ZNF124: variants seen among roughly 807,000 people sequenced by gnomAD.
The protein encoded by ZNF124 is zinc finger protein 124, also known as zinc finger protein HZF-16.
In ZNF124, 25 loss-of-function variants were observed where a neutral mutation model predicts 26.6. The observed-to-expected ratio is 0.94, with a 90% confidence interval of 0.68 to 1.31. The LOEUF (loss-of-function observed/expected upper bound fraction) is 1.31. Ranked by LOEUF, ZNF124 falls within the 40% of genes most tolerant of loss-of-function variation. The pLI, the probability that ZNF124 is intolerant of heterozygous loss-of-function variation, is 0.00. For missense variants in ZNF124, 444 were observed against 422.2 expected (o/e 1.05, Z -0.45); for synonymous variants, 129 against 133.3 (o/e 0.97, Z 0.22).
chr1:247,153,579 C>T (rs977822129), downstream of ZNF124, among the ~76,000 whole-genome samples: 1 of 152,130 alleles, frequency 6.6e-6, no homozygotes, highest in African/African-American at 2.4e-5. Context: ...TATAACATTT[C>T]GGATTTCTAC....
chr1:247,136,945 CA>C lies in ZNF124; in HGVS notation c.219-13075del, dbSNP rs112254966. 8.1e-3 allele frequency among the ~76,000 whole-genome samples: 1,005 copies of C among 124,372 alleles called. 14 individuals carry two copies. Among genetic ancestry groups the C allele is most frequent in the African/African-American group, 0.021 (709 of 33,662 alleles). 81.6% of individuals were successfully genotyped at this position (124,372 alleles called of 152,430 possible). On this transcript the variant is annotated intron_variant, in intron 3 of 3. Transcript: ENST00000472531. ...CTGGGCAACAGAGTCAGACCCATCT[CA>C]AAAAAAAAAAAAAATTATATGGAGT...
intron 3 of ZNF124, among the ~76,000 whole-genome samples, chr1:247,124,322 G>A (rs542205742): frequency 6.6e-6 from 1 of 151,832 alleles, no homozygotes; most frequent in South Asian, 2.1e-4. Context: ...TCCTGCCTAA[G>A]TCTCCTGCGT....
Position 247,157,245 on chromosome 1 carries a change from A to G in ZNF124, c.377T>C (p.Ile126Thr), listed in dbSNP as rs1197985632. ...HTGNGHYGCT[I>T]CEKVFNIPSS... ...GGGAATATTAAAAACTTTCTCACAT[A>G]TTGTACAACCATAATGTCCATTTCC... Residue 126 changes from isoleucine (I) to threonine (T), a missense_variant, in exon 4 of 4, where the codon ATA becomes ACA. By Grantham distance (89) the Ile-to-Thr change is moderately conservative (BLOSUM62 -1). Coordinates refer to ENST00000543802, the MANE Select transcript of ZNF124 (RefSeq NM_001297568.2). 6.2e-7 allele frequency: 1 copy of G among 1,613,976 alleles called. No homozygotes were observed. The highest frequency in any genetic ancestry group is 8.5e-7 in the Non-Finnish European group (1 of 1,179,902).
chr1:247,161,520 A>G (rs1206948579), intron 1 of ZNF124, among the ~76,000 whole-genome samples: 1 of 152,162 alleles, frequency 6.6e-6, no homozygotes, highest in Non-Finnish European at 1.5e-5. Context: ...AGCAAACAAT[A>G]GAGACTGACA....
rs1673739115 is a variant in ZNF124 at position 247,165,681 on chromosome 1, CAGAATCTGTA to C, written c.31-5878_31-5869del. On this transcript the variant is annotated intron_variant, in intron 1 of 3. Coordinates refer to ENST00000543802, the MANE Select transcript of ZNF124 (RefSeq NM_001297568.2). ...ATGCATCTAACAAGGGTCTAATATC[CAGAATCTGTA>C]AGAAACTTAAATAAATTAACAAGCA... 2.6e-5 allele frequency among the ~76,000 whole-genome samples: 4 copies of C among 152,170 alleles called. No homozygotes were observed. In the South Asian group the frequency reaches 8.3e-4, roughly 32 times the overall value.
intron 3 of ZNF124, among the ~76,000 whole-genome samples, chr1:247,146,999 T>C (rs550772475): frequency 1.0e-3 from 154 of 152,180 alleles, no homozygotes; most frequent in African/African-American, 3.6e-3. Context: ...TCCTCATGGG[T>C]CATATGTGCA....
At chr1:247,133,653 C>A (rs923074516) in intron 3 of ZNF124, among the ~76,000 whole-genome samples, 2 of 127,180 alleles carry the variant, frequency 1.6e-5, no homozygotes, top group South Asian at 2.6e-4. Flanking sequence ...ATTCAATATT[C>A]TTTTTTTTTT....
chr1:247,140,873 T>A (rs1672609075), intron 3 of ZNF124, among the ~76,000 whole-genome samples: 1 of 152,186 alleles, frequency 6.6e-6, no homozygotes, highest in Non-Finnish European at 1.5e-5. Flanking sequence ...CCTCTCAATG[T>A]TCTGAAAGTG....
intron 3 of ZNF124, among the ~76,000 whole-genome samples, chr1:247,131,674 A>C (rs763200131): frequency 6.6e-6 from 1 of 152,196 alleles, no homozygotes; most frequent in Non-Finnish European, 1.5e-5. Flanking sequence ...GGCAGTTTGC[A>C]GCCAGAGTGC....
intron 3 of ZNF124, among the ~76,000 whole-genome samples, chr1:247,146,932 GGAT>G (rs1672796641): frequency 6.6e-6 from 1 of 152,086 alleles, no homozygotes; most frequent in South Asian, 2.1e-4. Context: ...GGTGACTAGC[GGAT>G]GATAATGGGA....
At chr1:247,161,734 A>G (rs1338384766) in intron 1 of ZNF124, among the ~76,000 whole-genome samples, 1 of 151,794 alleles carries the variant, frequency 6.6e-6, no homozygotes, top group African/African-American at 2.4e-5. Flanking sequence ...GTAATAAAAC[A>G]GCCAAATAAT....
chr1:247,150,294 A>G (rs890078196), downstream of ZNF124, among the ~76,000 whole-genome samples: 8 of 152,352 alleles, frequency 5.3e-5, no homozygotes, highest in Admixed American at 5.2e-4. Context: ...CATTGAGCAA[A>G]AAAGGCCCAC....
intron 3 of ZNF124, among the ~76,000 whole-genome samples, chr1:247,142,346 A>G (rs1474180042): frequency 6.6e-6 from 1 of 152,194 alleles, no homozygotes; most frequent in Admixed American, 6.5e-5. Context: ...TGGTAAACCC[A>G]GTTTTCTTTA....
intron 1 of ZNF124, among the ~76,000 whole-genome samples, chr1:247,160,553 A>G (rs182170111): frequency 1.3e-5 from 2 of 152,342 alleles, no homozygotes; most frequent in African/African-American, 4.8e-5. Flanking sequence ...GAGGCATCCC[A>G]ACAACCTAAG....
chr1:247,156,887 A>G lies in ZNF124; in HGVS notation c.735T>C (p.Cys245=). Residue 245 remains cysteine, a synonymous_variant, in exon 4 of 4, where the codon TGT becomes TGC. Transcript: ENST00000543802. The stretch of plus-strand genomic sequence containing the variant: ...TTATATGTCCTTGCAAGGAACTGAG[A>G]CAACTGAAAGCTTTGCCACATTCCA... The part of the protein sequence containing the change: ...VCMECGKAFS[C]LSSLQGHIKA... 1 of 1,614,140 alleles carries G rather than the reference A, an allele frequency of 6.2e-7. No homozygotes were observed. Among genetic ancestry groups the G allele is most frequent in the Non-Finnish European group, 8.5e-7 (1 of 1,180,016 alleles).
At chr1:247,146,575 T>G (rs550711076) in intron 3 of ZNF124, among the ~76,000 whole-genome samples, 2 of 152,324 alleles carry the variant, frequency 1.3e-5, no homozygotes. Context: ...GTGCAGGCTC[T>G]TTTTGTCAAA....
chr1:247,136,910 G>A (rs902825974), intron 3 of ZNF124, among the ~76,000 whole-genome samples: 17 of 150,194 alleles, frequency 1.1e-4, no homozygotes, highest in Admixed American at 6.6e-5. Flanking sequence ...TCATGCCACC[G>A]CACTCTAGCC....
chr1:247,170,798 G>A (rs1003725774), intron 1 of ZNF124, among the ~76,000 whole-genome samples: 1 of 139,820 alleles, frequency 7.2e-6, no homozygotes, highest in Non-Finnish European at 1.5e-5. Context: ...GATTTTCACA[G>A]TGCTTTTCCA....
intron 3 of ZNF124, among the ~76,000 whole-genome samples, chr1:247,136,167 C>A (rs912771815): frequency 3.9e-5 from 6 of 152,122 alleles, no homozygotes; most frequent in African/African-American, 1.4e-4. Context: ...CCAGGACAAT[C>A]AGGCAAGAGA....
Sources: allele counts gnomAD v4.1 joint callset (sites outside exome capture counted in the v4.1 genomes callset), GRCh38; gene constraint gnomAD v4.1.1; transcripts MANE v1.5; gene names NCBI Gene and HGNC (gene_info 2026-07-23, HGNC 2026-07-21).